SYT1: variants seen among roughly 807,000 people sequenced by gnomAD.
The protein encoded by SYT1 is synaptotagmin-1.
In SYT1, 8 loss-of-function variants were observed where a neutral mutation model predicts 44.8. The observed-to-expected ratio is 0.18, with a 90% confidence interval of 0.10 to 0.32. SYT1 has a LOEUF of 0.32. Ranked by LOEUF, SYT1 falls within the 10% of genes least tolerant of loss-of-function variation. The pLI is 1.00. For missense variants in SYT1, 286 were observed against 509.3 expected (o/e 0.56, Z 4.22); for synonymous variants, 154 against 188.8 (o/e 0.82, Z 1.51).
rs137884299 is a variant in SYT1 at position 79,256,328 on chromosome 12, G to A, written c.167-29459G>A. On this transcript the variant is annotated intron_variant, in intron 4 of 10. Transcript: ENST00000261205. ...TTGCAATGCAAACCCATTCAATGTTGAAAACAGGAGCCCAAAAAGGAATCT... is the reference window on the plus strand; with the variant it reads ...TTGCAATGCAAACCCATTCAATGTTAAAAACAGGAGCCCAAAAAGGAATCT... Among the ~76,000 whole-genome samples, 278 of 152,296 alleles carry A rather than the reference G, an allele frequency of 1.8e-3. 2 individuals are homozygous for A. The highest frequency in any genetic ancestry group is 3.3e-3 in the Non-Finnish European group (222 of 68,036).
At chr12:78,979,116 G>T (rs1406492332) in intron 2 of SYT1, among the ~76,000 whole-genome samples, 1 of 152,012 alleles carries the variant, frequency 6.6e-6, no homozygotes, top group African/African-American at 2.4e-5. Flanking sequence ...TAAACAAAGT[G>T]GTTCTGGAAA....
intron 4 of SYT1, among the ~76,000 whole-genome samples, chr12:79,268,972 G>T (rs1404111791): frequency 6.6e-6 from 1 of 151,990 alleles, no homozygotes; most frequent in Non-Finnish European, 1.5e-5. Flanking sequence ...GAAAAGAAAC[G>T]GTGTCTTCCA....
intron 3 of SYT1, among the ~76,000 whole-genome samples, chr12:79,079,125 A>G (rs1876858456): frequency 6.6e-6 from 1 of 152,212 alleles, no homozygotes; most frequent in Non-Finnish European, 1.5e-5. Context: ...AATAGAAAAT[A>G]TTTAACTTGC....
intron 9 of SYT1, among the ~76,000 whole-genome samples, chr12:79,421,377 C>A (rs948370946): frequency 6.6e-6 from 1 of 151,996 alleles, no homozygotes; most frequent in East Asian, 1.9e-4. Flanking sequence ...TTCTAAGGTG[C>A]GCCATTTAGA....
intron 3 of SYT1, among the ~76,000 whole-genome samples, chr12:79,121,373 T>C (rs1259630943): frequency 2.0e-5 from 3 of 152,238 alleles, no homozygotes; most frequent in African/African-American, 7.2e-5. Context: ...GTGAAAGTTT[T>C]CTTTGTCTGT....
chr12:79,296,099 C>T lies in SYT1; in HGVS notation c.505C>T (p.Leu169=). The change falls in exon 7 of 11, where the codon CTG becomes TTG. Residue 169 remains leucine (L), a synonymous_variant. Coordinates refer to ENST00000261205, the MANE Select transcript of SYT1 (RefSeq NM_005639.3). ...LLVGIIQAAE[L]PALDMGGTSD... is the part of the protein sequence containing the mutation. ...GGTAGGGATCATTCAGGCTGCCGAA[C>T]TGCCCGCCTTGGACATGGGGGGCAC... is the stretch of plus-strand genomic sequence containing the variant. 3 of 1,613,102 alleles carry T rather than the reference C, an allele frequency of 1.9e-6. No homozygotes were observed. The highest frequency in any genetic ancestry group is 2.5e-6 in the Non-Finnish European group (3 of 1,179,596).
chr12:79,180,090 G>A (rs1180275901), intron 3 of SYT1, among the ~76,000 whole-genome samples: 4 of 152,050 alleles, frequency 2.6e-5, no homozygotes, highest in African/African-American at 9.7e-5. Context: ...GGATTGCAAA[G>A]AGAAGAGTTA....
intron 3 of SYT1, among the ~76,000 whole-genome samples, chr12:79,146,657 A>C (rs1308868130): frequency 6.6e-6 from 1 of 152,222 alleles, no homozygotes. Context: ...TCTGTACTTC[A>C]ACAATTCTGG....
chr12:79,337,576 A>G (rs1565914747), intron 8 of SYT1, among the ~76,000 whole-genome samples: 1 of 152,194 alleles, frequency 6.6e-6, no homozygotes. Context: ...TATCATTAGT[A>G]AAAAGGTAAT....
chr12:79,344,283 T>C (rs1882508953), intron 8 of SYT1, among the ~76,000 whole-genome samples: 1 of 152,202 alleles, frequency 6.6e-6, no homozygotes, highest in Non-Finnish European at 1.5e-5. Flanking sequence ...TTTACTGTTA[T>C]TTTGTTGACT....
At chr12:79,153,880 A>G (rs910249198) in intron 3 of SYT1, among the ~76,000 whole-genome samples, 5 of 152,148 alleles carry the variant, frequency 3.3e-5, no homozygotes, top group Non-Finnish European at 1.5e-5. Flanking sequence ...TGGATATAAA[A>G]CATGTACCCA....
At chr12:78,921,829 C>A (rs991491131) in intron 1 of SYT1, among the ~76,000 whole-genome samples, 18 of 151,756 alleles carry the variant, frequency 1.2e-4, no homozygotes, top group African/African-American at 3.6e-4. Flanking sequence ...TGCAGAGACA[C>A]GGGTGAGAGA....
At chr12:79,272,549 G>A (rs546210643) in intron 4 of SYT1, among the ~76,000 whole-genome samples, 2 of 152,334 alleles carry the variant, frequency 1.3e-5, no homozygotes, top group African/African-American at 4.8e-5. Flanking sequence ...ACAGAGCCAT[G>A]GAGCTGTTTT....
intron 4 of SYT1, among the ~76,000 whole-genome samples, chr12:79,234,712 C>CTTTTTT (rs869074290): frequency 2.8e-4 from 8 of 28,816 alleles, no homozygotes; most frequent in Non-Finnish European, 3.4e-4. Context: ...TTCTTTCTTT[C>CTTTTTT]TTTTTTTTTT....
Position 79,300,789 on chromosome 12 carries a change from T to TTATATA in SYT1, c.810+1268_810+1273dup, listed in dbSNP as rs56934430. ...TGTATATAATATTCATGTATACTTA[T>TTATATA]TATATATATATATATATATATATAT... On this transcript the variant is annotated intron_variant, in intron 8 of 10. Coordinates refer to ENST00000261205, the MANE Select transcript of SYT1 (RefSeq NM_005639.3). Among the ~76,000 whole-genome samples, 840 of 89,544 alleles carry TTATATA rather than the reference T, an allele frequency of 9.4e-3. 9 individuals are homozygous for TTATATA. Among genetic ancestry groups the TTATATA allele is most frequent in the East Asian group, 0.021 (40 of 1,938 alleles). The allele number at this position is 89,544 out of a possible 152,430, so 58.7% of individuals were successfully genotyped here.
At chr12:79,037,044 T>C (rs1197529122) in intron 2 of SYT1, among the ~76,000 whole-genome samples, 2 of 151,840 alleles carry the variant, frequency 1.3e-5, no homozygotes, top group Non-Finnish European at 2.9e-5. Flanking sequence ...ACCTTATTAA[T>C]TGAACATTTA....
At chr12:78,984,970 C>T (rs983795054) in intron 2 of SYT1, among the ~76,000 whole-genome samples, 1 of 151,272 alleles carries the variant, frequency 6.6e-6, no homozygotes, top group African/African-American at 2.4e-5. Flanking sequence ...GTTCAAGATG[C>T]TAAAGAGAGA....
At chr12:78,874,991 A>G (rs543641725) in intron 1 of SYT1, among the ~76,000 whole-genome samples, 1 of 151,766 alleles carries the variant, frequency 6.6e-6, no homozygotes, top group South Asian at 2.1e-4. Context: ...ACAAGACTTG[A>G]AGAAATTAAG....
At chr12:79,308,391 G>C (rs1172044648) in intron 8 of SYT1, among the ~76,000 whole-genome samples, 1 of 152,028 alleles carries the variant, frequency 6.6e-6, no homozygotes, top group Non-Finnish European at 1.5e-5. Flanking sequence ...CGGTGTTGTG[G>C]CGCATGCCTG....
Sources: allele counts gnomAD v4.1 joint callset (sites outside exome capture counted in the v4.1 genomes callset), GRCh38; gene constraint gnomAD v4.1.1; transcripts MANE v1.5; gene names NCBI Gene and HGNC (gene_info 2026-07-23, HGNC 2026-07-21).